The following LSAMP variants were observed in gnomAD, a reference collection of about 807,000 sequenced individuals.
LSAMP encodes the protein limbic system associated membrane protein, also known as limbic system-associated membrane protein.
Under a neutral mutation model 38.6 loss-of-function variants are expected in LSAMP, and 7 were observed. That is an observed-to-expected ratio of 0.18 (90% CI 0.10 to 0.34). The LOEUF (loss-of-function observed/expected upper bound fraction) is 0.34, where lower values mean the gene tolerates loss of function less well. LSAMP is among the 10% of genes least tolerant of loss of function. LSAMP has a pLI of 1.00. For synonymous variants in LSAMP, 154 were observed against 166.8 expected, an observed-to-expected ratio of 0.92 and a Z score of 0.59; for missense variants, 313 against 420.0, an observed-to-expected ratio of 0.75 and a Z score of 2.23.
At chr3:116,250,485 T>C (rs1208679816) in intron 1 of LSAMP, among the ~76,000 whole-genome samples, 1 of 152,082 alleles carries the variant, frequency 6.6e-6, no homozygotes, top group Non-Finnish European at 1.5e-5. Flanking sequence ...GTATAGAAAT[T>C]AAACACAAAT....
chr3:116,354,297 C>T (rs1308609944), intron 1 of LSAMP, among the ~76,000 whole-genome samples: 1 of 152,128 alleles, frequency 6.6e-6, no homozygotes, highest in African/African-American at 2.4e-5. Context: ...CACTTCTATG[C>T]AAACTCCACA....
At chr3:116,010,929 C>A (rs1385883837) in intron 3 of LSAMP, among the ~76,000 whole-genome samples, 4 of 152,124 alleles carry the variant, frequency 2.6e-5, no homozygotes, top group Non-Finnish European at 5.9e-5. Flanking sequence ...ATCCTTAATT[C>A]AATAACTTGG....
chr3:116,356,246 G>A (rs913286720), intron 1 of LSAMP, among the ~76,000 whole-genome samples: 4 of 152,174 alleles, frequency 2.6e-5, no homozygotes, highest in African/African-American at 9.6e-5. Flanking sequence ...GTACTATGCA[G>A]CCATAAAAAA....
chr3:115,838,222 C>G (rs1934859610), intron 6 of LSAMP: 1 of 152,244 alleles, frequency 6.6e-6, no homozygotes, highest in South Asian at 2.1e-4. Context: ...ATAGTACATA[C>G]TGCAGAGTAC....
intron 1 of LSAMP, among the ~76,000 whole-genome samples, chr3:116,302,700 T>G (rs2047426322): frequency 6.6e-6 from 1 of 152,202 alleles, no homozygotes; most frequent in Admixed American, 6.5e-5. Flanking sequence ...CTGTTTTCTT[T>G]GAAAACCATT....
At chr3:116,155,635 G>A (rs1430822524) in intron 1 of LSAMP, among the ~76,000 whole-genome samples, 1 of 105,308 alleles carries the variant, frequency 9.5e-6, no homozygotes, top group Non-Finnish European at 2.2e-5. Flanking sequence ...GTGTGTGTGT[G>A]TATATGTGTG....
chr3:116,413,952 C>A (rs945461462), intron 1 of LSAMP, among the ~76,000 whole-genome samples: 5 of 151,296 alleles, frequency 3.3e-5, no homozygotes, highest in African/African-American at 1.2e-4. Flanking sequence ...TGCAATCAGT[C>A]CTTTTTGTCC....
At chr3:116,284,015 T>C (rs1226561801) in intron 1 of LSAMP, among the ~76,000 whole-genome samples, 1 of 152,002 alleles carries the variant, frequency 6.6e-6, no homozygotes, top group African/African-American at 2.4e-5. Context: ...CCCAAAAAAA[T>C]AAATAAATAA....
chr3:116,394,751 T>C (rs746882063), intron 1 of LSAMP, among the ~76,000 whole-genome samples: 4 of 152,202 alleles, frequency 2.6e-5, no homozygotes, highest in Admixed American at 2.6e-4. Flanking sequence ...CCTCAATTTA[T>C]TGAACTAATA....
chr3:116,106,898 C>T (rs1708480583), intron 1 of LSAMP, among the ~76,000 whole-genome samples: 1 of 151,918 alleles, frequency 6.6e-6, no homozygotes, highest in Non-Finnish European at 1.5e-5. Context: ...CCTGAATAAT[C>T]CTTGAGGAGT....
chr3:116,232,485 A>G (rs2046411853), intron 1 of LSAMP, among the ~76,000 whole-genome samples: 1 of 152,154 alleles, frequency 6.6e-6, no homozygotes, highest in South Asian at 2.1e-4. Flanking sequence ...AAAAATGTTC[A>G]CTTGGTCCAT....
At chr3:116,007,630 G>A (rs184033483) in intron 3 of LSAMP, among the ~76,000 whole-genome samples, 2 of 151,520 alleles carry the variant, frequency 1.3e-5, no homozygotes, top group African/African-American at 4.8e-5. Flanking sequence ...CCAAACAAAT[G>A]TGATAGTGCA....
intron 3 of LSAMP, among the ~76,000 whole-genome samples, chr3:115,913,163 C>T (rs1009945825): frequency 1.3e-5 from 2 of 151,972 alleles, no homozygotes; most frequent in Non-Finnish European, 2.9e-5. Context: ...AAGTCTATAG[C>T]GAAGACAGAT....
At chr3:116,438,258 G>A (rs553084949) in intron 1 of LSAMP, among the ~76,000 whole-genome samples, 5 of 152,036 alleles carry the variant, frequency 3.3e-5, no homozygotes, top group Admixed American at 6.5e-5. Flanking sequence ...GTTATATCCT[G>A]CTGTAAATAT....
At chr3:115,938,527 C>A (rs1439448861) in intron 3 of LSAMP, among the ~76,000 whole-genome samples, 1 of 151,962 alleles carries the variant, frequency 6.6e-6, no homozygotes. Context: ...ATGTTTACGA[C>A]CTTATAACAT....
At chr3:116,329,895 C>T (rs1215067324) in intron 1 of LSAMP, among the ~76,000 whole-genome samples, 1 of 152,046 alleles carries the variant, frequency 6.6e-6, no homozygotes, top group Non-Finnish European at 1.5e-5. Flanking sequence ...AAAAAAAATA[C>T]TGATAACTTA....
chr3:116,251,385 G>C (rs2046683104), intron 1 of LSAMP, among the ~76,000 whole-genome samples: 1 of 152,152 alleles, frequency 6.6e-6, no homozygotes, highest in Admixed American at 6.5e-5. Context: ...CAGGCAGAAA[G>C]TACCTCAATA....
intron 1 of LSAMP, among the ~76,000 whole-genome samples, chr3:116,313,401 G>T (rs149950238): frequency 6.6e-6 from 1 of 152,172 alleles, no homozygotes; most frequent in Non-Finnish European, 1.5e-5. Context: ...ATGGGACCCC[G>T]TATGGATGTG....
intron 1 of LSAMP, among the ~76,000 whole-genome samples, chr3:116,387,153 T>C (rs1368463724): frequency 1.3e-5 from 2 of 152,124 alleles, no homozygotes; most frequent in African/African-American, 4.8e-5. Context: ...TAATGTAGCA[T>C]TGACAGGAGT....
Sources: gnomAD v4.1 joint callset for allele counts (sites outside exome capture counted in the v4.1 genomes callset) on GRCh38, gnomAD v4.1.1 for gene constraint, MANE v1.5 for transcripts, NCBI Gene and HGNC (gene_info 2026-07-23, HGNC 2026-07-21) for gene names.